The following C1QBP variants were observed in gnomAD, a reference collection of about 807,000 sequenced individuals.
C1QBP encodes the protein complement component 1 Q subcomponent-binding protein, mitochondrial.
In C1QBP, 24 loss-of-function variants were observed where a neutral mutation model predicts 29.4. That is an observed-to-expected ratio of 0.82 (90% CI 0.59 to 1.15). The LOEUF is 1.15. Ranked by LOEUF, C1QBP falls within the 50% of genes most tolerant of loss-of-function variation. The pLI is 0.00. For missense variants in C1QBP, 337 were observed against 355.8 expected, an observed-to-expected ratio of 0.95 and a Z score of 0.43; for synonymous variants, 182 against 149.2, an observed-to-expected ratio of 1.22 and a Z score of -1.60.
chr17:5,437,986 A>G (rs1348891168), intron 2 of C1QBP, 137 bp downstream of exon 2: 3 of 1,238,116 alleles, frequency 2.4e-6, no homozygotes, highest in Admixed American at 2.6e-5. Flanking sequence ...AAGTTGTCCA[A>G]ATGAATCCTT....
intron 2 of C1QBP, among the ~76,000 whole-genome samples, chr17:5,437,426 T>C (rs1916303652): frequency 6.6e-6 from 1 of 152,208 alleles, no homozygotes; most frequent in African/African-American, 2.4e-5. Context: ...AACCTCCACC[T>C]CCCAGGTTCA....
rs773953860 is a variant in C1QBP, at chr17:5,433,286, C to T, written c.699+7G>A. On this transcript the variant is annotated splice_region_variant and intron_variant, in intron 5 of 5. Transcript: ENST00000225698. ...CAAAAGGTTCCCCCACCTTATCAAG[C>T]ACTCACCCAGTCCAAGGAATCTGTG... is the stretch of plus-strand genomic sequence containing the variant. 3.7e-6 allele frequency: 6 copies of T among 1,614,168 alleles called. No homozygotes were observed. The highest frequency in any genetic ancestry group is 1.6e-4 in the Middle Eastern group (1 of 6,062).
intron 4 of C1QBP, 87 bp downstream of exon 4, chr17:5,433,582 A>T: frequency 6.5e-7 from 1 of 1,544,972 alleles, no homozygotes; most frequent in Non-Finnish European, 8.9e-7. Context: ...AAAGTGTTTA[A>T]ATTTCTGCTA....
rs1313691155 is a variant in C1QBP at position 5,435,808 on chromosome 17, T to C, written c.384-842A>G. On this transcript the variant is annotated intron_variant, in intron 2 of 5. Transcript: ENST00000225698. ...ACTTTGGGAGGCCGAGGTGGGCAGA[T>C]CACGAGGTCAAGAGATCGAGACCAT... 2.1e-5 allele frequency among the ~76,000 whole-genome samples: 3 copies of C among 142,650 alleles called. No individual in the cohort carries two copies. The Admixed American group carries it at 2.2e-4, about 10-fold the overall frequency. 93.6% of individuals were successfully genotyped at this position (142,650 alleles called of 152,430 possible). A position where few individuals can be genotyped will look rare whatever the true frequency, so the allele number is the denominator to read the frequency against.
chr17:5,434,905 G>C lies in C1QBP; in HGVS notation c.445C>G (p.Pro149Ala). ...IPPTFDGEEE[P>A]SQGQKVEEQE... is the part of the protein sequence containing the mutation. Reference sequence around the variant, plus strand: ...TCTTCAACCTTCTGCCCTTGCGAGGGTTCCTCCTCACCATCAAATGTTGGT... The same window carrying C: ...TCTTCAACCTTCTGCCCTTGCGAGGCTTCCTCCTCACCATCAAATGTTGGT... Residue 149 changes from proline (P) to alanine (A), a missense_variant, in exon 3 of 6, where the codon CCC becomes GCC. By Grantham distance (27) the Pro-to-Ala change is conservative. Coordinates refer to ENST00000225698, the MANE Select transcript of C1QBP (RefSeq NM_001212.4). 1.2e-6 allele frequency: 2 copies of C among 1,614,032 alleles called. No individual in the cohort carries two copies. Among genetic ancestry groups the C allele is most frequent in the Non-Finnish European group, 1.7e-6 (2 of 1,179,928 alleles).
At chr17:5,433,510 G>A in intron 4 of C1QBP, 95 bp from the exon 5 acceptor site, 1 of 1,561,314 alleles carries the variant, frequency 6.4e-7, no homozygotes, top group Non-Finnish European at 8.8e-7. Flanking sequence ...AAACTCATCA[G>A]GTTTTAACCC....
At chr17:5,437,979 T>C (rs1223432563) in intron 2 of C1QBP, 144 bp downstream of exon 2, 2 of 1,166,438 alleles carry the variant, frequency 1.7e-6, no homozygotes, top group Non-Finnish European at 2.3e-6. Context: ...GCTTACGAAG[T>C]TGTCCAAATG....
Position 5,432,901 on chromosome 17 carries a change from T to G in C1QBP, c.*114A>C. 1 of 1,263,122 alleles carries G rather than the reference T, an allele frequency of 7.9e-7. No homozygotes were observed. Among genetic ancestry groups the G allele is most frequent in the Non-Finnish European group, 1.1e-6 (1 of 927,204 alleles). The allele number at this position is 1,263,122 out of a possible 1,614,324, so 78.2% of individuals were successfully genotyped here. A position where few individuals can be genotyped will look rare whatever the true frequency, so the allele number is the denominator to read the frequency against. On this transcript the variant is annotated 3_prime_UTR_variant, in exon 6 of 6. Coordinates refer to ENST00000225698, the MANE Select transcript of C1QBP (RefSeq NM_001212.4). ...CATATAATTTAAATTTGGTATTTTT[T>G]CCCCCATGATATTAGGATGATAATC...
chr17:5,436,277 T>A (rs1434966188), intron 2 of C1QBP, among the ~76,000 whole-genome samples: 1 of 151,016 alleles, frequency 6.6e-6, no homozygotes, highest in African/African-American at 2.5e-5. Context: ...CTTGCGCAAA[T>A]GGTGTTTAGG....
intron 2 of C1QBP, among the ~76,000 whole-genome samples, chr17:5,437,115 G>T (rs1441734032): frequency 6.6e-6 from 1 of 152,196 alleles, no homozygotes; most frequent in Non-Finnish European, 1.5e-5. Flanking sequence ...GCTACAGGGA[G>T]GAATAATGAG....
At chr17:5,436,455 T>C (rs1282696467) in intron 2 of C1QBP, among the ~76,000 whole-genome samples, 1 of 151,382 alleles carries the variant, frequency 6.6e-6, no homozygotes, top group Non-Finnish European at 1.5e-5. Flanking sequence ...CTTCACAACC[T>C]TGGGTTAGGC....
Position 5,438,827 on chromosome 17 carries a change from C to G in C1QBP, c.232+15G>C. ...TGTTGAACGCAAACCACACCCCCGGCCCGCTAAACCTCACCGTCGGTGTGC... is the reference window on the plus strand; with the variant it reads ...TGTTGAACGCAAACCACACCCCCGGGCCGCTAAACCTCACCGTCGGTGTGC... On this transcript the variant is annotated intron_variant, in intron 1 of 5. Coordinates refer to ENST00000225698, the MANE Select transcript of C1QBP (RefSeq NM_001212.4). 3 of 1,547,464 alleles carry G rather than the reference C, an allele frequency of 1.9e-6. No homozygotes were observed. Among genetic ancestry groups the G allele is most frequent in the Non-Finnish European group, 2.6e-6 (3 of 1,146,142 alleles).
At chr17:5,435,427 A>T (rs1916242283) in intron 2 of C1QBP, among the ~76,000 whole-genome samples, 1 of 152,170 alleles carries the variant, frequency 6.6e-6, no homozygotes, top group South Asian at 2.1e-4. Context: ...CCCGTCAGAA[A>T]ATTTGCCCTG....
Position 5,438,829 on chromosome 17 carries a change from C to G in C1QBP, c.232+13G>C, listed in dbSNP as rs1381709886. 1 of 1,547,244 alleles carries G rather than the reference C, an allele frequency of 6.5e-7. No homozygotes were observed. The highest frequency in any genetic ancestry group is 1.4e-5 in the African/African-American group (1 of 72,866). On this transcript the variant is annotated intron_variant, in intron 1 of 5. Transcript: ENST00000225698. Reference sequence around the variant, plus strand: ...TTGAACGCAAACCACACCCCCGGCCCGCTAAACCTCACCGTCGGTGTGCAG... The same window carrying G: ...TTGAACGCAAACCACACCCCCGGCCGGCTAAACCTCACCGTCGGTGTGCAG...
rs533754548 is a variant in C1QBP at position 5,438,700 on chromosome 17, T to G, written c.232+142A>C. Reference sequence around the variant, plus strand: ...CTGGATAGGGGAGGTGGGGGAAATATGATCATACGTGGGTTTAGCCCGCTG... The same window carrying G: ...CTGGATAGGGGAGGTGGGGGAAATAGGATCATACGTGGGTTTAGCCCGCTG... On this transcript the variant is annotated intron_variant, in intron 1 of 5. Transcript: ENST00000225698. The G allele has an allele frequency of 5.8e-4, 875 of 1,517,012 alleles. 9 individuals carry two copies. The South Asian group carries it at 6.5e-3, about 11-fold the overall frequency. The allele number at this position is 1,517,012 out of a possible 1,614,324, so 94.0% of individuals were successfully genotyped here.
At chr17:5,437,461 C>A (rs1175827579) in intron 2 of C1QBP, among the ~76,000 whole-genome samples, 2 of 152,150 alleles carry the variant, frequency 1.3e-5, no homozygotes, top group Non-Finnish European at 2.9e-5. Flanking sequence ...CTCAGCCTCC[C>A]GAGTAGCTGG....
chr17:5,435,850 A>G (rs1916254500), intron 2 of C1QBP, among the ~76,000 whole-genome samples: 1 of 141,200 alleles, frequency 7.1e-6, no homozygotes, highest in South Asian at 2.3e-4. Context: ...CAACACGATG[A>G]AACTCCATCT....
At chr17:5,438,762 G>C in intron 1 of C1QBP, 80 bp downstream of exon 1, 1 of 1,542,804 alleles carries the variant, frequency 6.5e-7, no homozygotes, top group Non-Finnish European at 8.7e-7. Context: ...AGACCTCAGA[G>C]GTCGGTTGCA....
intron 3 of C1QBP, among the ~76,000 whole-genome samples, chr17:5,434,464 C>CTCTCT (rs1263270149): frequency 1.0e-5 from 1 of 97,862 alleles, no homozygotes; most frequent in Non-Finnish European, 1.9e-5. Flanking sequence ...TTCTCTCTCT[C>CTCTCT]TTTTTTTTTT....
Sources: gnomAD v4.1 joint callset for allele counts (sites outside exome capture counted in the v4.1 genomes callset) on GRCh38, gnomAD v4.1.1 for gene constraint, MANE v1.5 for transcripts, NCBI Gene and HGNC (gene_info 2026-07-23, HGNC 2026-07-21) for gene names.